WFDC6: variants seen among roughly 807,000 people sequenced by gnomAD.
WFDC6 encodes the protein WAP four-disulfide core domain protein 6.
Under a neutral mutation model 8.2 loss-of-function variants are expected in WFDC6, and 10 were observed. The observed-to-expected ratio is 1.22, with a 90% CI of 0.75 to 2.07. The LOEUF (loss-of-function observed/expected upper bound fraction) is 2.07. WFDC6 is among the 30% of genes most tolerant of loss of function. The probability of loss-of-function intolerance (pLI) is 0.00; values close to 1 mark genes in which losing one functional copy is unlikely to be tolerated. For missense variants in WFDC6, 105 were observed against 104.9 expected, an observed-to-expected ratio of 1.00 and a Z score of 0.00; for synonymous variants, 28 against 37.0, an observed-to-expected ratio of 0.76 and a Z score of 0.88.
intron 2 of WFDC6, 40 bp from the exon 3 acceptor site, chr20:45,534,545 T>G (rs1979292932): frequency 6.2e-7 from 1 of 1,610,692 alleles, no homozygotes; most frequent in Admixed American, 1.7e-5. Flanking sequence ...GCTTGGACCC[T>G]GACCACATTA....
chr20:45,535,383 G>GA, intron 2 of WFDC6: 1 of 1,250,138 alleles, frequency 8.0e-7, no homozygotes, highest in Admixed American at 2.7e-5. Flanking sequence ...CCTGGAGAAT[G>GA]TCCATCTCTC....
In WFDC6 at chr20:45,538,013, A is replaced by G. The variant is rs150633099; in HGVS notation, c.173T>C (p.Met58Thr). 68 of 1,613,990 alleles carry G rather than the reference A, an allele frequency of 4.2e-5. No individual in the cohort carries two copies. Among genetic ancestry groups the G allele is most frequent in the Admixed American group, 2.0e-4 (12 of 60,000 alleles). ...CTKPRDCPEN[M>T]KCCPFSRGKK... ...TCCACGGCTGAACGGGCAACACTTC[A>G]TGTTTTCTGGGCAATCTCTGGGTTT... is the stretch of plus-strand genomic sequence containing the variant. The change falls in exon 2 of 3, where the codon ATG (methionine) becomes ACG (threonine). Residue 58 changes from methionine to threonine, a missense_variant. Coordinates refer to ENST00000372670, the MANE Select transcript of WFDC6 (RefSeq NM_080827.2).
intron 2 of WFDC6, 105 bp from the exon 3 acceptor site, chr20:45,534,610 T>C (rs1979295520): frequency 1.4e-6 from 2 of 1,383,478 alleles, no homozygotes; most frequent in African/African-American, 2.9e-5. Flanking sequence ...TTTTACATCT[T>C]TGGGCAGGAA....
intron 2 of WFDC6, among the ~76,000 whole-genome samples, chr20:45,535,951 T>C (rs961515224): frequency 6.6e-6 from 1 of 152,246 alleles, no homozygotes; most frequent in African/African-American, 2.4e-5. Context: ...CCTTTGCACA[T>C]GCCTGACATA....
intron 1 of WFDC6, 61 bp from the exon 2 acceptor site, chr20:45,538,155 G>A (rs1019631272): frequency 1.4e-5 from 23 of 1,610,226 alleles, no homozygotes; most frequent in Non-Finnish European, 2.0e-5. Context: ...CCCCCTCCCC[G>A]AGACCAGGGC....
At chr20:45,538,650 T>G (rs35051068) in intron 1 of WFDC6, among the ~76,000 whole-genome samples, 55,040 of 152,136 alleles carry the variant, frequency 0.36, 11,013 homozygotes, top group Non-Finnish European at 0.46. Context: ...GAGCTGCCTT[T>G]TCTCCTTAAT....
chr20:45,537,371 G>T, intron 2 of WFDC6: 1 of 747,344 alleles, frequency 1.3e-6, no homozygotes, highest in South Asian at 1.7e-5. Flanking sequence ...TGGCCACAAT[G>T]AGCAAGTGGA....
At chr20:45,535,096 G>A in intron 2 of WFDC6, 1 of 1,262,794 alleles carries the variant, frequency 7.9e-7, no homozygotes, top group Non-Finnish European at 1.0e-6. Context: ...GAATAGACCA[G>A]CCAACACCCA....
intron 2 of WFDC6, chr20:45,536,713 C>T (rs929948749): frequency 1.3e-5 from 2 of 152,230 alleles, no homozygotes; most frequent in African/African-American, 4.8e-5. Flanking sequence ...AACTATTTCT[C>T]AGCCCACATA....
intron 2 of WFDC6, chr20:45,535,113 C>T: frequency 2.3e-6 from 3 of 1,278,100 alleles, no homozygotes; most frequent in Non-Finnish European, 3.1e-6. Context: ...CCCAGACCTC[C>T]CAGTGTGGCC....
At position 45,534,214 on chromosome 20, in the gene WFDC6, T is replaced by A. The variant is rs994047474; in HGVS notation, c.*253A>T. The A allele has an allele frequency of 8.4e-5, 47 of 558,986 alleles. No homozygotes were observed. In the Middle Eastern group the frequency reaches 1.4e-3, roughly 17 times the overall value. The allele number at this position is 558,986 out of a possible 1,614,324, so 34.6% of individuals were successfully genotyped here. A position where few individuals can be genotyped will look rare whatever the true frequency, so the allele number is the denominator to read the frequency against. On this transcript the variant is annotated 3_prime_UTR_variant, in exon 3 of 3. Coordinates refer to ENST00000372670, the MANE Select transcript of WFDC6 (RefSeq NM_080827.2). The stretch of plus-strand genomic sequence containing the variant: ...GGAGAGATCGGACCCCACAGAGCAC[T>A]TTATTAAGGCAACTGAAGCCTTCAT...
chr20:45,536,883 C>T (rs1247100051), intron 2 of WFDC6: 2 of 152,428 alleles, frequency 1.3e-5, no homozygotes, highest in East Asian at 1.9e-4. Flanking sequence ...CTGTGTATGC[C>T]TTATTTCTTG....
chr20:45,535,022 ATCCTTC>A, intron 2 of WFDC6: 1 of 852,532 alleles, frequency 1.2e-6, no homozygotes, highest in Non-Finnish European at 1.6e-6. Context: ...TTCCCAAAAT[ATCCTTC>A]TACTTATACT....
At position 45,539,360 on chromosome 20, in the gene WFDC6, CA is replaced by C; in HGVS notation, c.47del (p.Leu16TrpfsTer30). On this transcript the variant is annotated frameshift_variant, in exon 1 of 3. Transcript: ENST00000372670. LOFTEE classifies it high-confidence loss of function. ...LLPILVPFILLGDIQEPGHAE... is the reference protein window; with the variant it reads ...LLPILVPFILXGDIQEPGHAE... ...CGTGCCCAGGTTCCTGGATGTCCCC[CA>C]AAAGGATGAATGGTACCAGGATTGG... 6.2e-7 allele frequency: 1 copy of C among 1,613,942 alleles called. No homozygotes were observed. The highest frequency in any genetic ancestry group is 8.5e-7 in the Non-Finnish European group (1 of 1,179,872).
chr20:45,537,594 T>C (rs1979415383), intron 2 of WFDC6: 1 of 1,528,196 alleles, frequency 6.5e-7, no homozygotes, highest in African/African-American at 1.4e-5. Context: ...ACCTGTCTCT[T>C]ATAGCTATCA....
intron 2 of WFDC6, chr20:45,537,317 T>C: frequency 3.4e-6 from 2 of 594,024 alleles, no homozygotes; most frequent in South Asian, 4.1e-5. Flanking sequence ...CTTTCAGATC[T>C]TAAATCATGG....
intron 2 of WFDC6, chr20:45,537,592 CTT>C (rs1568986617): frequency 6.5e-7 from 1 of 1,531,058 alleles, no homozygotes; most frequent in Non-Finnish European, 8.9e-7. Context: ...ATACCTGTCT[CTT>C]ATAGCTATCA....
chr20:45,537,936 T>C (rs1222759075), intron 2 of WFDC6, 28 bp downstream of exon 2: 1 of 1,613,736 alleles, frequency 6.2e-7, no homozygotes, highest in South Asian at 1.1e-5. Context: ...GTGAGGGCAC[T>C]GGGTAATTTA....
rs1979503999 is a variant in WFDC6, at chr20:45,539,481, T to G, written c.-74A>C. On this transcript the variant is annotated 5_prime_UTR_variant, in exon 1 of 3. Transcript: ENST00000372670. ...CTCAGCAGCTCCTACATCTGCACTT[T>G]GCCTGCCCCGGTGTGGCCCAGCACC... is the stretch of plus-strand genomic sequence containing the variant. The G allele has an allele frequency of 7.1e-7, 1 of 1,415,490 alleles. No individual in the cohort carries two copies. The highest frequency in any genetic ancestry group is 1.4e-5 in the African/African-American group (1 of 71,008). The allele number at this position is 1,415,490 out of a possible 1,614,324, so 87.7% of individuals were successfully genotyped here.
Sources: allele counts gnomAD v4.1 joint callset (sites outside exome capture counted in the v4.1 genomes callset), GRCh38; gene constraint gnomAD v4.1.1; transcripts MANE v1.5; gene names NCBI Gene and HGNC (gene_info 2026-07-23, HGNC 2026-07-21).